The following KAT2B variants were observed in gnomAD, a reference collection of about 807,000 sequenced individuals.
The protein encoded by KAT2B is lysine acetyltransferase 2B, also known as histone acetyltransferase KAT2B.
KAT2B carries 36 observed loss-of-function variants against 105.9 expected under a neutral mutation model. The ratio of observed to expected loss-of-function variants is 0.34; its 90% CI spans 0.26 to 0.45. KAT2B has a LOEUF of 0.45. Ranked by LOEUF, KAT2B falls within the 20% of genes least tolerant of loss-of-function variation. The pLI, the probability that KAT2B is intolerant of heterozygous loss-of-function variation, is 1.00. For missense variants in KAT2B, 820 were observed against 1,021.6 expected (o/e 0.80, Z 2.69); for synonymous variants, 397 against 377.9 (o/e 1.05, Z -0.59).
chr3:20,147,965 G>A lies in KAT2B; in HGVS notation c.2122G>A (p.Glu708Lys). 1 of 1,613,536 alleles carries A rather than the reference G, an allele frequency of 6.2e-7. No individual in the cohort carries two copies. Among genetic ancestry groups the A allele is most frequent in the Non-Finnish European group, 8.5e-7 (1 of 1,179,696 alleles). The change falls in exon 15 of 18, where the codon GAG becomes AAG. Residue 708 changes from glutamate to lysine, a missense_variant and splice_region_variant. This residue lies in a region of KAT2B where 227 missense variants were observed against 292.9 expected (regional missense o/e 0.77). Coordinates refer to ENST00000263754, the MANE Select transcript of KAT2B (RefSeq NM_003884.5). ...IPIESIPGIR[E>K]TGWKPSGKEK... is the part of the protein sequence containing the mutation. The stretch of plus-strand genomic sequence containing the variant: ...TGTTTCACTTTGTTGACGTATAGGA[G>A]AGACAGGCTGGAAACCGAGTGGAAA...
rs1491103794 is a variant in KAT2B, at chr3:20,062,005, AAT to A, written c.304-10321_304-10320del. 2.6e-5 allele frequency among the ~76,000 whole-genome samples: 2 copies of A among 75,476 alleles called. 1 individual carries two copies. Among genetic ancestry groups the A allele is most frequent in the Non-Finnish European group, 5.9e-5 (2 of 33,920 alleles). The allele number at this position is 75,476 out of a possible 152,430, so 49.5% of individuals were successfully genotyped here. A position where few individuals can be genotyped will look rare whatever the true frequency, so the allele number is the denominator to read the frequency against. On this transcript the variant is annotated intron_variant, in intron 1 of 17. Coordinates refer to ENST00000263754, the MANE Select transcript of KAT2B (RefSeq NM_003884.5). ...AAAACATATAATATATAAAACATATAATATATATTATATATAAAACATAATAT... is the reference window on the plus strand; with the variant it reads ...AAAACATATAATATATAAAACATATAATATATTATATATAAAACATAATAT...
chr3:20,090,748 G>GT lies in KAT2B; in HGVS notation c.431-4506dup, dbSNP rs1553587774. ...ATGCATCCCTCTTCAGTTTTTTGAA[G>GT]TTTTTTTTTAGAGTTTCACTTTGTC... On this transcript the variant is annotated intron_variant, in intron 2 of 17. Transcript: ENST00000263754. Among the ~76,000 whole-genome samples the GT allele has an allele frequency of 1.5e-4, 23 of 151,076 alleles. No homozygotes were observed. In the South Asian group the frequency reaches 2.7e-3, roughly 18 times the overall value.
intron 11 of KAT2B, 94 bp downstream of exon 11, chr3:20,127,643 C>T: frequency 8.1e-7 from 1 of 1,235,722 alleles, no homozygotes; most frequent in Non-Finnish European, 1.1e-6. Context: ...GTGCCATGTC[C>T]AGAGAAGGTT....
At chr3:20,078,313 T>C (rs1213912004) in intron 2 of KAT2B, among the ~76,000 whole-genome samples, 1 of 152,230 alleles carries the variant, frequency 6.6e-6, no homozygotes, top group African/African-American at 2.4e-5. Context: ...TCTGAACTGT[T>C]TCAGAATAGA....
intron 13 of KAT2B, among the ~76,000 whole-genome samples, chr3:20,141,898 G>A (rs1053068388): frequency 6.6e-6 from 1 of 151,934 alleles, no homozygotes; most frequent in South Asian, 2.1e-4. Flanking sequence ...AGCACAGCGG[G>A]CTCCTCTCTC....
intron 7 of KAT2B, among the ~76,000 whole-genome samples, chr3:20,117,336 G>A (rs1392313669): frequency 6.6e-6 from 1 of 152,198 alleles, no homozygotes; most frequent in Admixed American, 6.5e-5. Context: ...ATTGCAATGT[G>A]TTCTCTTGGG....
At chr3:20,127,295 C>T (rs1473576392) in intron 10 of KAT2B, 128 bp from the exon 11 acceptor site, 2 of 827,378 alleles carry the variant, frequency 2.4e-6, no homozygotes, top group Non-Finnish European at 3.9e-6. Flanking sequence ...ATAGGGGCTA[C>T]ATGAAGGAAG....
chr3:20,125,676 A>T (rs1293605704), intron 9 of KAT2B, among the ~76,000 whole-genome samples: 1 of 152,170 alleles, frequency 6.6e-6, no homozygotes, highest in Admixed American at 6.5e-5. Flanking sequence ...GTGTACACAT[A>T]TAATACTCCA....
intron 10 of KAT2B, 88 bp downstream of exon 10, chr3:20,126,201 C>A (rs529058312): frequency 1.9e-6 from 2 of 1,049,500 alleles, no homozygotes; most frequent in South Asian, 1.5e-5. Context: ...CCATAGTCAT[C>A]CACCGAATAC....
intron 13 of KAT2B, among the ~76,000 whole-genome samples, chr3:20,144,660 G>A (rs543062736): frequency 1.3e-4 from 19 of 151,004 alleles, no homozygotes; most frequent in Admixed American, 8.6e-4. Context: ...ATAAATAAAT[G>A]GAAAGCACCC....
At chr3:20,047,780 A>ATT (rs981151599) in intron 1 of KAT2B, among the ~76,000 whole-genome samples, 1 of 151,096 alleles carries the variant, frequency 6.6e-6, no homozygotes, top group African/African-American at 2.4e-5. Flanking sequence ...GCCCTGTTAA[A>ATT]TTTTTTTGTA....
chr3:20,053,684 G>A (rs1697955020), intron 1 of KAT2B, among the ~76,000 whole-genome samples: 1 of 152,030 alleles, frequency 6.6e-6, no homozygotes, highest in South Asian at 2.1e-4. Context: ...GTATATGAAG[G>A]CATTCTTTAA....
chr3:20,121,226 C>T (rs1387517843), intron 8 of KAT2B, among the ~76,000 whole-genome samples: 1 of 152,172 alleles, frequency 6.6e-6, no homozygotes, highest in Non-Finnish European at 1.5e-5. Context: ...GAAGAATCGT[C>T]TACAGTCAAG....
intron 13 of KAT2B, among the ~76,000 whole-genome samples, chr3:20,143,564 C>A (rs1699729916): frequency 6.6e-6 from 1 of 152,044 alleles, no homozygotes; most frequent in Non-Finnish European, 1.5e-5. Flanking sequence ...ATTGTTCTTA[C>A]AAAAAGATAC....
intron 1 of KAT2B, among the ~76,000 whole-genome samples, chr3:20,053,150 C>T (rs535433768): frequency 5.3e-5 from 8 of 152,230 alleles, no homozygotes; most frequent in South Asian, 4.1e-4. Flanking sequence ...ATGGCCTGAA[C>T]GTCTCCTACA....
At chr3:20,125,306 G>GAAAAAA (rs34271857) in intron 9 of KAT2B, among the ~76,000 whole-genome samples, 2 of 117,158 alleles carry the variant, frequency 1.7e-5, no homozygotes, top group African/African-American at 6.8e-5. Context: ...CTCCGTCTCA[G>GAAAAAA]AAAAAAAAAA....
At chr3:20,044,415 T>TAA (rs35278480) in intron 1 of KAT2B, among the ~76,000 whole-genome samples, 65 of 145,322 alleles carry the variant, frequency 4.5e-4, no homozygotes, top group Middle Eastern at 3.5e-3. Flanking sequence ...AGATTCTCCC[T>TAA]AAAAAAAAAA....
chr3:20,085,027 T>C (rs188014308), intron 2 of KAT2B, among the ~76,000 whole-genome samples: 1 of 152,296 alleles, frequency 6.6e-6, no homozygotes, highest in East Asian at 1.9e-4. Context: ...CTGATTGCTT[T>C]CATAGCTTAT....
intron 1 of KAT2B, among the ~76,000 whole-genome samples, chr3:20,042,853 C>G (rs527414619): frequency 6.6e-6 from 1 of 152,038 alleles, no homozygotes; most frequent in Non-Finnish European, 1.5e-5. Context: ...TTGAGTGTTT[C>G]CTGGTCACTT....
Sources: allele counts gnomAD v4.1 joint callset (sites outside exome capture counted in the v4.1 genomes callset), GRCh38; gene constraint gnomAD v4.1.1; regional missense constraint gnomAD v4.1.1; transcripts MANE v1.5; gene names NCBI Gene and HGNC (gene_info 2026-07-23, HGNC 2026-07-21).